MAP4: variants seen among roughly 807,000 people sequenced by gnomAD.
MAP4 encodes the protein microtubule-associated protein 4.
Under a neutral mutation model 170.2 loss-of-function variants are expected in MAP4, and 76 were observed. The observed-to-expected ratio is 0.45, with a 90% CI of 0.37 to 0.54. The LOEUF (loss-of-function observed/expected upper bound fraction) is 0.54. MAP4 is among the 20% of genes least tolerant of loss of function. The pLI, the probability that MAP4 is intolerant of heterozygous loss-of-function variation, is 0.00. For synonymous variants in MAP4, 909 were observed against 994.5 expected, an observed-to-expected ratio of 0.91 and a Z score of 1.62; for missense variants, 2,506 against 2,748.0, an observed-to-expected ratio of 0.91 and a Z score of 1.97.
chr3:48,029,192 C>G (rs972514844), intron 1 of MAP4, among the ~76,000 whole-genome samples: 24 of 150,712 alleles, frequency 1.6e-4, no homozygotes, highest in African/African-American at 5.9e-4. Context: ...AATCCCAGCA[C>G]TTTGTGAGGC....
intron 1 of MAP4, among the ~76,000 whole-genome samples, chr3:48,066,622 T>G (rs1486182215): frequency 3.3e-5 from 5 of 151,842 alleles, no homozygotes; most frequent in African/African-American, 9.7e-5. Flanking sequence ...ACCTCCTAAG[T>G]AGCTGGGATT....
Position 47,860,312 on chromosome 3 carries a change from C to A in MAP4, c.6502-2800G>T, listed in dbSNP as rs910004399. Among the ~76,000 whole-genome samples, 9 of 152,188 alleles carry A rather than the reference C, an allele frequency of 5.9e-5. No homozygotes were observed. In the East Asian group the frequency reaches 1.7e-3, roughly 29 times the overall value. ...GTAGCCTCAACCTCCCAGGCTCAAG[C>A]CCCTCAAGTGGCTGAGACTACAGGC... On this transcript the variant is annotated intron_variant, in intron 17 of 20. Coordinates refer to ENST00000683076, the MANE Select transcript of MAP4 (RefSeq NM_001385682.1).
At chr3:48,037,750 T>C (rs1203730067) in intron 1 of MAP4, among the ~76,000 whole-genome samples, 1 of 152,170 alleles carries the variant, frequency 6.6e-6, no homozygotes, top group Non-Finnish European at 1.5e-5. Flanking sequence ...AAAGTCGCCA[T>C]GACTTCAGGA....
intron 3 of MAP4, among the ~76,000 whole-genome samples, chr3:47,970,503 C>T (rs945420406): frequency 4.7e-5 from 7 of 150,162 alleles, no homozygotes; most frequent in Non-Finnish European, 1.0e-4. Context: ...AAAACAAGAA[C>T]AAAAAAACCC....
upstream of MAP4, among the ~76,000 whole-genome samples, chr3:48,017,197 C>G (rs1007087823): frequency 1.3e-5 from 2 of 152,108 alleles, no homozygotes; most frequent in African/African-American, 4.8e-5. Context: ...GACAAAGGAT[C>G]GGCGAAAAGA....
chr3:47,852,913 C>T lies in MAP4; in HGVS notation c.*21G>A, dbSNP rs566747022. On this transcript the variant is annotated 3_prime_UTR_variant, in exon 21 of 21. Coordinates refer to ENST00000683076, the MANE Select transcript of MAP4 (RefSeq NM_001385682.1). ...GTCGGTGCGGGCCCTGGCATTTGCCCGGAACGTCAGCCTGTAGGTCTCAAT... is the reference window on the plus strand; with the variant it reads ...GTCGGTGCGGGCCCTGGCATTTGCCTGGAACGTCAGCCTGTAGGTCTCAAT... 2.4e-5 allele frequency: 38 copies of T among 1,609,554 alleles called. No homozygotes were observed. The highest frequency in any genetic ancestry group is 4.5e-5 in the East Asian group (2 of 44,692).
chr3:47,964,909 T>A (rs1471831794), intron 3 of MAP4, among the ~76,000 whole-genome samples: 1 of 152,194 alleles, frequency 6.6e-6, no homozygotes, highest in Non-Finnish European at 1.5e-5. Context: ...TGGTATTAAG[T>A]ACATTCACAC....
rs1301791251 is a variant in MAP4, at chr3:47,851,331, G to T, written c.*1603C>A. 1 of 152,208 alleles carries T rather than the reference G, an allele frequency of 6.6e-6. No individual in the cohort carries two copies. Among genetic ancestry groups the T allele is most frequent in the Non-Finnish European group, 1.5e-5 (1 of 68,058 alleles). 9.4% of individuals were successfully genotyped at this position (152,208 alleles called of 1,614,324 possible). A position where few individuals can be genotyped will look rare whatever the true frequency, so the allele number is the denominator to read the frequency against. On this transcript the variant is annotated 3_prime_UTR_variant, in exon 21 of 21. Transcript: ENST00000683076. ...AAGGCACTGCTACCTCAGAAAGGGG[G>T]AGGACCTGTCAGGCCCAGGACAGCC...
chr3:47,978,045 G>T (rs1038053334), intron 2 of MAP4, 112 bp from the exon 3 acceptor site: 5 of 710,406 alleles, frequency 7.0e-6, no homozygotes, highest in Admixed American at 6.4e-5. Flanking sequence ...TTAGGTTAAA[G>T]CAATTAAAAA....
chr3:47,889,733 G>A (rs1199712193), intron 10 of MAP4, among the ~76,000 whole-genome samples: 8 of 152,152 alleles, frequency 5.3e-5, no homozygotes, highest in Admixed American at 2.0e-4. Flanking sequence ...AGCACCTGGG[G>A]ATCAAGAAAA....
intron 2 of MAP4, among the ~76,000 whole-genome samples, chr3:47,982,735 G>T (rs142130578): frequency 1.3e-5 from 2 of 152,002 alleles, no homozygotes; most frequent in Non-Finnish European, 2.9e-5. Context: ...ACTAAAAAAA[G>T]CAAGTTAAAA....
At position 47,909,960 on chromosome 3, in the gene MAP4, G is replaced by C. The variant is rs373624072; in HGVS notation, c.4461C>G (p.Val1487=). The change falls in exon 9 of 21, where the codon GTC becomes GTG. Residue 1487 remains valine (V), a synonymous_variant. Coordinates refer to ENST00000683076, the MANE Select transcript of MAP4 (RefSeq NM_001385682.1). Reference sequence around the variant, plus strand: ...GACCCTTGGGTCTTTCTTGACCTGGGACTCCATCTTTGGTGTAGTTATCTA... The same window carrying C: ...GACCCTTGGGTCTTTCTTGACCTGGCACTCCATCTTTGGTGTAGTTATCTA... ...LMVDNYTKDG[V]PGQERPKGPS... 5 of 1,614,022 alleles carry C rather than the reference G, an allele frequency of 3.1e-6. No homozygotes were observed. The highest frequency in any genetic ancestry group is 1.6e-4 in the Middle Eastern group (1 of 6,062).
At chr3:47,965,883 A>G (rs1212105943) in intron 3 of MAP4, among the ~76,000 whole-genome samples, 1 of 152,106 alleles carries the variant, frequency 6.6e-6, no homozygotes, top group Non-Finnish European at 1.5e-5. Context: ...ATTTTCATAT[A>G]GCCTAATTTA....
At chr3:48,088,640 C>G (rs1157695141) in intron 1 of MAP4, 1 of 152,456 alleles carries the variant, frequency 6.6e-6, no homozygotes, top group Non-Finnish European at 1.5e-5. Flanking sequence ...TCTCGCAGGC[C>G]GGCGGCCACC....
At chr3:47,868,956 T>C (rs545496971) in intron 16 of MAP4, among the ~76,000 whole-genome samples, 1 of 152,308 alleles carries the variant, frequency 6.6e-6, no homozygotes, top group South Asian at 2.1e-4. Flanking sequence ...AGTCTTTGGA[T>C]CCATTTTATC....
chr3:47,906,586 G>A (rs2100033157), intron 9 of MAP4, among the ~76,000 whole-genome samples: 1 of 151,646 alleles, frequency 6.6e-6, no homozygotes, highest in Admixed American at 6.6e-5. Flanking sequence ...GGGAGGCTGA[G>A]GCAGGAGAAT....
At chr3:48,013,836 A>C (rs367833202) in intron 1 of MAP4, among the ~76,000 whole-genome samples, 1 of 152,132 alleles carries the variant, frequency 6.6e-6, no homozygotes, top group Admixed American at 6.6e-5. Flanking sequence ...CTAACATCAA[A>C]GGAGACTCAA....
At chr3:47,892,983 AC>A in intron 10 of MAP4, 5 of 554,708 alleles carry the variant, frequency 9.0e-6, no homozygotes, top group Non-Finnish European at 1.1e-5. Context: ...CCCAGCTATA[AC>A]CCTGAAGAAC....
rs146957827 is a variant in MAP4, at chr3:47,870,942, C to T, written c.6165G>A (p.Ser2055=). Residue 2055 remains serine (S), a synonymous_variant, in exon 15 of 21, where the codon TCG becomes TCA. Transcript: ENST00000683076. ...TTPFIDKKPT[S]AKPSSTTPRL... ...GGGGGGTGGTGGAGCTGGGTTTGGC[C>T]GAGGTGGGCTTCTTGTCTATGAAAG... The T allele has an allele frequency of 3.7e-6, 6 of 1,613,872 alleles. No individual in the cohort carries two copies. The African/African-American group carries it at 4.0e-5, about 11-fold the overall frequency.
Sources: allele counts gnomAD v4.1 joint callset (sites outside exome capture counted in the v4.1 genomes callset), GRCh38; gene constraint gnomAD v4.1.1; transcripts MANE v1.5; gene names NCBI Gene and HGNC (gene_info 2026-07-23, HGNC 2026-07-21).